Variants in PM20D1 observed in about 807,000 individuals in gnomAD.
PM20D1 encodes the protein N-fatty-acyl-amino acid synthase/hydrolase PM20D1.
Under a neutral mutation model 53.8 loss-of-function variants are expected in PM20D1, and 53 were observed. The observed-to-expected ratio is 0.98, with a 90% CI of 0.79 to 1.24. The LOEUF (loss-of-function observed/expected upper bound fraction) is 1.24. PM20D1 is among the 50% of genes most tolerant of loss of function. PM20D1 has a pLI of 0.00. For missense variants in PM20D1, 564 were observed against 616.8 expected (o/e 0.91, Z 0.91); for synonymous variants, 239 against 241.3 (o/e 0.99, Z 0.09).
rs551949495 is a variant in PM20D1, at chr1:205,830,594, G to A, written c.1286-215C>T. Among the ~76,000 whole-genome samples the A allele has an allele frequency of 1.3e-4, 20 of 149,924 alleles. No individual in the cohort carries two copies. In the East Asian group the frequency reaches 4.1e-3, roughly 31 times the overall value. On this transcript the variant is annotated intron_variant, in intron 11 of 12. Coordinates refer to ENST00000367136, the MANE Select transcript of PM20D1 (RefSeq NM_152491.5). ...AAGGGCATTGGTGAGACATCCCTTG[G>A]ATGGACCATTCAAGGGATGTCTCAC...
At chr1:205,842,839 G>A in intron 6 of PM20D1, 88 bp from the exon 7 acceptor site, 1 of 1,186,130 alleles carries the variant, frequency 8.4e-7, no homozygotes, top group Non-Finnish European at 1.2e-6. Context: ...ATAGGAGGAA[G>A]TTTCAACGCT....
intron 9 of PM20D1, 118 bp from the exon 10 acceptor site, chr1:205,840,441 C>G (rs1656781190): frequency 1.2e-6 from 1 of 829,018 alleles, no homozygotes. Flanking sequence ...ACTTAAGGAC[C>G]CAAGGCTTAG....
At chr1:205,846,253 G>A (rs1656955891) in intron 2 of PM20D1, among the ~76,000 whole-genome samples, 2 of 152,120 alleles carry the variant, frequency 1.3e-5, no homozygotes, top group Admixed American at 1.3e-4. Flanking sequence ...GGGCGTGGTG[G>A]CACGTACTTG....
intron 2 of PM20D1, among the ~76,000 whole-genome samples, chr1:205,846,690 G>A (rs1406716363): frequency 6.6e-6 from 1 of 152,112 alleles, no homozygotes; most frequent in Non-Finnish European, 1.5e-5. Flanking sequence ...GCACAAGGTC[G>A]TACTTCTGCG....
intron 7 of PM20D1, 39 bp from the exon 8 acceptor site, chr1:205,842,254 A>G (rs762915708): frequency 1.0e-5 from 16 of 1,569,636 alleles, no homozygotes; most frequent in African/African-American, 1.4e-5. Flanking sequence ...GGTCACCTCT[A>G]GTTTAGCCTG....
In PM20D1 at chr1:205,829,009, A is replaced by G. The variant is rs536801687; in HGVS notation, c.1386-266T>C. Among the ~76,000 whole-genome samples the G allele has an allele frequency of 1.4e-4, 21 of 152,298 alleles. No homozygotes were observed. The East Asian group carries it at 1.5e-3, about 11-fold the overall frequency. Reference sequence around the variant, plus strand: ...AAAATAATCTCCTGCTCTGAAATCCATTCAATAATTTGTCCTCCGGGAGAA... The same window carrying G: ...AAAATAATCTCCTGCTCTGAAATCCGTTCAATAATTTGTCCTCCGGGAGAA... On this transcript the variant is annotated intron_variant, in intron 12 of 12. Transcript: ENST00000367136.
intron 10 of PM20D1, among the ~76,000 whole-genome samples, chr1:205,837,725 A>T (rs1010954871): frequency 6.6e-6 from 1 of 152,124 alleles, no homozygotes; most frequent in Non-Finnish European, 1.5e-5. Flanking sequence ...GGGTTTCATC[A>T]GAGAGACCGG....
rs761129900 is a variant in PM20D1 at position 205,845,339 on chromosome 1, TG to T, written c.474del (p.Asp158GlufsTer5). ...GIIYGRGTLD[D>X]KNSVMALLQA... ...GCATCTCAGACCATCACAGAGTTCT[TG>T]TCGTCCAGTGTGCCCCGACCATAGA... On this transcript the variant is annotated frameshift_variant, in exon 3 of 13. Transcript: ENST00000367136. LOFTEE classifies it high-confidence loss of function. The T allele has an allele frequency of 3.5e-5, 57 of 1,613,644 alleles. No homozygotes were observed. The highest frequency in any genetic ancestry group is 4.6e-5 in the Non-Finnish European group (54 of 1,179,656).
intron 11 of PM20D1, 133 bp from the exon 12 acceptor site, chr1:205,830,512 C>G: frequency 1.6e-6 from 1 of 622,352 alleles, no homozygotes; most frequent in East Asian, 2.8e-5. Context: ...CTCCTGAAAG[C>G]GTATAGCTAT....
chr1:205,846,791 GA>G, intron 2 of PM20D1, among the ~76,000 whole-genome samples: 1 of 152,132 alleles, frequency 6.6e-6, no homozygotes, highest in Non-Finnish European at 1.5e-5. Context: ...TTTTTTGGAA[GA>G]ATTCACATAA....
chr1:205,835,827 G>T (rs1656674495), intron 10 of PM20D1, among the ~76,000 whole-genome samples: 1 of 152,096 alleles, frequency 6.6e-6, no homozygotes, highest in South Asian at 2.1e-4. Flanking sequence ...AATGGTGAGA[G>T]ACCTCAAAGG....
At position 205,841,792 on chromosome 1, in the gene PM20D1, G is replaced by A. The variant is rs1214061262; in HGVS notation, c.1044+19C>T. 4 of 1,553,320 alleles carry A rather than the reference G, an allele frequency of 2.6e-6. No individual in the cohort carries two copies. The Admixed American group carries it at 7.6e-5, about 30-fold the overall frequency. On this transcript the variant is annotated intron_variant, in intron 9 of 12. Coordinates refer to ENST00000367136, the MANE Select transcript of PM20D1 (RefSeq NM_152491.5). ...GGGCGGTAGGGAAAAGCTATATGGGGAGGAACCAGGGATGTTACCTTGACC... is the reference window on the plus strand; with the variant it reads ...GGGCGGTAGGGAAAAGCTATATGGGAAGGAACCAGGGATGTTACCTTGACC...
chr1:205,848,771 T>G (rs1657061143), intron 1 of PM20D1, among the ~76,000 whole-genome samples: 1 of 152,140 alleles, frequency 6.6e-6, no homozygotes, highest in South Asian at 2.1e-4. Flanking sequence ...AAAGACAAAC[T>G]TCATCAGTTT....
At chr1:205,844,524 C>A (rs1656896943) in intron 4 of PM20D1, among the ~76,000 whole-genome samples, 1 of 152,170 alleles carries the variant, frequency 6.6e-6, no homozygotes, top group Non-Finnish European at 1.5e-5. Context: ...CTTTTCAGTT[C>A]TTTTTCCATC....
At chr1:205,842,778 C>T in intron 6 of PM20D1, 27 bp from the exon 7 acceptor site, 1 of 1,607,356 alleles carries the variant, frequency 6.2e-7, no homozygotes, top group Non-Finnish European at 8.5e-7. Context: ...GTCCTCAAGA[C>T]TTAGCGAACC....
At chr1:205,849,694 G>T (rs1301875525) in intron 1 of PM20D1, among the ~76,000 whole-genome samples, 1 of 152,096 alleles carries the variant, frequency 6.6e-6, no homozygotes, top group Non-Finnish European at 1.5e-5. Context: ...GGGCACACCA[G>T]AGTTCCAGGA....
chr1:205,844,505 T>C (rs115698561), intron 4 of PM20D1, among the ~76,000 whole-genome samples: 2,136 of 152,298 alleles, frequency 0.014, 50 homozygotes, highest in African/African-American at 0.048. Context: ...AACGCAGTCA[T>C]CACTCTCCCT....
At chr1:205,848,624 AC>A (rs1657058252) in intron 1 of PM20D1, among the ~76,000 whole-genome samples, 1 of 152,142 alleles carries the variant, frequency 6.6e-6, no homozygotes, top group Admixed American at 6.5e-5. Flanking sequence ...AGTCTTTAAG[AC>A]TTTACAGTTT....
At chr1:205,842,844 A>T in intron 6 of PM20D1, 93 bp from the exon 7 acceptor site, 1 of 1,151,196 alleles carries the variant, frequency 8.7e-7, no homozygotes. Context: ...AGGAAGTTTC[A>T]ACGCTCCTGG....
Sources: gnomAD v4.1 joint callset for allele counts (sites outside exome capture counted in the v4.1 genomes callset) on GRCh38, gnomAD v4.1.1 for gene constraint, MANE v1.5 for transcripts, NCBI Gene and HGNC (gene_info 2026-07-23, HGNC 2026-07-21) for gene names.